Variants in LMNA observed in about 807,000 individuals in gnomAD.
The protein encoded by LMNA is lamin.
LMNA carries 20 observed loss-of-function variants against 70.4 expected under a neutral mutation model. The ratio of observed to expected loss-of-function variants is 0.28; its 90% CI spans 0.20 to 0.41. LMNA has a LOEUF of 0.41. Among genes scored for constraint, LMNA ranks in the 10% least tolerant of loss-of-function variants. LMNA has a pLI of 1.00. For synonymous variants in LMNA, 339 were observed against 372.8 expected, an observed-to-expected ratio of 0.91 and a Z score of 1.04; for missense variants, 652 against 917.2, an observed-to-expected ratio of 0.71 and a Z score of 3.73.
intron 3 of LMNA, among the ~76,000 whole-genome samples, chr1:156,097,940 C>T (rs538118640): frequency 1.2e-4 from 18 of 152,054 alleles, no homozygotes; most frequent in Non-Finnish European, 2.4e-4. Flanking sequence ...GGTGCGTGTG[C>T]GTGTGTGCGT....
In LMNA at chr1:156,115,008, G is replaced by A. The variant is rs1325971304; in HGVS notation, c.90G>A (p.Gln30=). 5.6e-6 allele frequency: 9 copies of A among 1,600,784 alleles called. No individual in the cohort carries two copies. Among genetic ancestry groups the A allele is most frequent in the South Asian group, 1.1e-5 (1 of 88,738 alleles). The part of the protein sequence containing the change: ...PLSPTRITRL[Q]EKEDLQELND... ...CGCCCACCCGCATCACCCGGCTGCA[G>A]GAGAAGGAGGACCTGCAGGAGCTCA... The change falls in exon 1 of 12, where the codon CAG becomes CAA. Residue 30 remains glutamine, a synonymous_variant. Coordinates refer to ENST00000368300, the MANE Select transcript of LMNA (RefSeq NM_170707.4). The surrounding 1 kb of genome is among the most constrained non-coding windows in gnomAD (Gnocchi z 5.8).
upstream of LMNA, among the ~76,000 whole-genome samples, chr1:156,113,349 A>G (rs968499610): frequency 3.9e-5 from 6 of 151,948 alleles, no homozygotes; most frequent in African/African-American, 1.5e-4. Context: ...ACAGAGGATG[A>G]GGTGGATGGT....
chr1:156,095,007 C>T (rs370240284), intron 3 of LMNA, among the ~76,000 whole-genome samples: 3 of 151,688 alleles, frequency 2.0e-5, no homozygotes, highest in Admixed American at 1.3e-4. Context: ...CTGCAACTTC[C>T]GCCTTGCTGG....
intron 3 of LMNA, among the ~76,000 whole-genome samples, chr1:156,097,885 G>T (rs2102796167): frequency 6.6e-6 from 1 of 152,296 alleles, no homozygotes; most frequent in Non-Finnish European, 1.5e-5. Flanking sequence ...CAACTGGATG[G>T]TAGCTCCCCC....
chr1:156,117,407 A>G (rs1025798604), intron 1 of LMNA, among the ~76,000 whole-genome samples: 4 of 141,586 alleles, frequency 2.8e-5, no homozygotes, highest in South Asian at 4.6e-4. Context: ...GCTACTTTTT[A>G]TATTTTTAGT....
In LMNA at chr1:156,115,000, C is replaced by T. The variant is rs59914820; in HGVS notation, c.82C>T (p.Arg28Trp). The T allele has an allele frequency of 6.2e-7, 1 of 1,600,254 alleles. No individual in the cohort carries two copies. Among genetic ancestry groups the T allele is most frequent in the Non-Finnish European group, 8.5e-7 (1 of 1,173,712 alleles). Residue 28 changes from arginine to tryptophan, a missense_variant, in exon 1 of 12, where the codon CGG becomes TGG. Around this residue, in one of 4 missense-constraint regions of LMNA, gnomAD observed 254 missense variants for 421.9 expected, o/e 0.60. Transcript: ENST00000368300. ...STPLSPTRIT[R>W]LQEKEDLQEL... is the part of the protein sequence containing the mutation. ...TCCGCTGTCGCCCACCCGCATCACC[C>T]GGCTGCAGGAGAAGGAGGACCTGCA...
upstream of LMNA, among the ~76,000 whole-genome samples, chr1:156,113,530 T>C (rs986425331): frequency 7.9e-5 from 12 of 152,122 alleles, no homozygotes; most frequent in African/African-American, 2.7e-4. Flanking sequence ...AGCTGCAGAA[T>C]GGACCTGGCC....
At chr1:156,119,813 T>C in intron 1 of LMNA, among the ~76,000 whole-genome samples, 1 of 148,404 alleles carries the variant, frequency 6.7e-6, no homozygotes, top group South Asian at 2.2e-4. Context: ...GGAGGAGTGG[T>C]GGTCTGAATG....
Position 156,134,371 on chromosome 1 carries a change from C to A in LMNA, c.514-32C>A. 2 of 1,613,098 alleles carry A rather than the reference C, an allele frequency of 1.2e-6. No homozygotes were observed. Among genetic ancestry groups the A allele is most frequent in the South Asian group, 1.1e-5 (1 of 90,922 alleles). On this transcript the variant is annotated intron_variant, in intron 2 of 11. Transcript: ENST00000368300. This position sits in a 1 kb window ranked among gnomAD's most constrained non-coding sequence, Gnocchi z 5.3. The stretch of plus-strand genomic sequence containing the variant: ...CTTCCAGTTCTTGTGTTCTGTGACC[C>A]CTTTTCCTCATCTCTGCCTGCTTCC...
rs752367284 is a variant in LMNA at position 156,136,303 on chromosome 1, C to A, written c.1247C>A (p.Thr416Asn). Residue 416 changes from threonine (T) to asparagine (N), a missense_variant, in exon 7 of 12, where the codon ACC becomes AAC. Physicochemically the swap from Thr to Asn is moderately conservative, Grantham distance 65 (BLOSUM62 0). Around this residue, in one of 4 missense-constraint regions of LMNA, gnomAD observed 327 missense variants for 387.6 expected, o/e 0.84. Coordinates refer to ENST00000368300, the MANE Select transcript of LMNA (RefSeq NM_170707.4). This position sits in a 1 kb window ranked among gnomAD's most constrained non-coding sequence, Gnocchi z 6.1. The stretch of plus-strand genomic sequence containing the variant: ...CAGACACAGGGTGGGGGCAGCGTCA[C>A]CAAAAAGCGCAAACTGGAGTCCACT... ...SSQTQGGGSV[T>N]KKRKLESTES... 2 of 1,612,232 alleles carry A rather than the reference C, an allele frequency of 1.2e-6. No individual in the cohort carries two copies. Among genetic ancestry groups the A allele is most frequent in the Non-Finnish European group, 1.7e-6 (2 of 1,180,036 alleles).
Position 156,127,178 on chromosome 1 carries a change from C to G in LMNA, c.357-3439C>G, listed in dbSNP as rs571557565. 2.7e-3 allele frequency among the ~76,000 whole-genome samples: 416 copies of G among 152,232 alleles called. 2 individuals carry two copies. The highest frequency in any genetic ancestry group is 9.6e-3 in the African/African-American group (397 of 41,558). ...GTCCCTGCTAGGTCTGAGGACCCCTCCTAGGAAGGAAATGGCACTTGGGGG... is the reference window on the plus strand; with the variant it reads ...GTCCCTGCTAGGTCTGAGGACCCCTGCTAGGAAGGAAATGGCACTTGGGGG... On this transcript the variant is annotated intron_variant, in intron 1 of 11. Transcript: ENST00000368300.
chr1:156,113,878 G>A (rs1459869069), upstream of LMNA, among the ~76,000 whole-genome samples: 1 of 152,192 alleles, frequency 6.6e-6, no homozygotes, highest in African/African-American at 2.4e-5. Flanking sequence ...AGGGACTGAA[G>A]GGGGAAGGAA....
intron 1 of LMNA, among the ~76,000 whole-genome samples, chr1:156,128,091 C>CT (rs1650749595): frequency 6.6e-6 from 1 of 152,122 alleles, no homozygotes; most frequent in African/African-American, 2.4e-5. Context: ...CTAGATATAG[C>CT]TTTCTGTGCC....
In LMNA at chr1:156,092,890, C is replaced by CT. The variant is rs568056544; in HGVS notation, c.-207+2324dup. ...TTTCTTTCTTTTCTTTTCTTTTTTT[C>CT]TTTTTTTTTTTTTTTTGAGACAGAG... is the stretch of plus-strand genomic sequence containing the variant. On this transcript the variant is annotated intron_variant, in intron 3 of 12. Coordinates refer to the LMNA transcript ENST00000368301. 8.0e-3 allele frequency among the ~76,000 whole-genome samples: 1,080 copies of CT among 135,592 alleles called. 5 individuals carry two copies. The highest frequency in any genetic ancestry group is 0.018 in the East Asian group (86 of 4,720). The allele number at this position is 135,592 out of a possible 152,430, so 89.0% of individuals were successfully genotyped here. A position where few individuals can be genotyped will look rare whatever the true frequency, so the allele number is the denominator to read the frequency against.
chr1:156,139,455 C>T lies in LMNA; in HGVS notation c.*349C>T. ...AAAGGGGTGCTTTTATAGAGGCTAG[C>T]TTCTGCTTTTCTGCCCTGGCTGCTG... On this transcript the variant is annotated 3_prime_UTR_variant, in exon 12 of 12. Transcript: ENST00000368300. 1 of 1,341,932 alleles carries T rather than the reference C, an allele frequency of 7.5e-7. No homozygotes were observed. The highest frequency in any genetic ancestry group is 1.7e-5 in the South Asian group (1 of 60,060). The allele number at this position is 1,341,932 out of a possible 1,614,324, so 83.1% of individuals were successfully genotyped here. A position where few individuals can be genotyped will look rare whatever the true frequency, so the allele number is the denominator to read the frequency against.
At position 156,138,549 on chromosome 1, in the gene LMNA, T is replaced by C; in HGVS notation, c.1760T>C (p.Leu587Pro). 1 of 1,612,656 alleles carries C rather than the reference T, an allele frequency of 6.2e-7. No homozygotes were observed. Among genetic ancestry groups the C allele is most frequent in the Non-Finnish European group, 8.5e-7 (1 of 1,179,798 alleles). ...AEYNLRSRTV[L>P]CGTCGQPADK... ...TACAACCTGCGCTCGCGCACCGTGC[T>C]GTGCGGGACCTGCGGGCAGCCTGCC... Residue 587 changes from leucine to proline, a missense_variant, in exon 11 of 12, where the codon CTG becomes CCG. Physicochemically the swap from Leu to Pro is moderately conservative, Grantham distance 98 (BLOSUM62 -3). Coordinates refer to ENST00000368300, the MANE Select transcript of LMNA (RefSeq NM_170707.4). This position sits in a 1 kb window ranked among gnomAD's most constrained non-coding sequence, Gnocchi z 5.5.
At position 156,134,365 on chromosome 1, in the gene LMNA, G is replaced by A. The variant is rs1173839264; in HGVS notation, c.514-38G>A. 2 of 1,612,198 alleles carry A rather than the reference G, an allele frequency of 1.2e-6. No homozygotes were observed. Among genetic ancestry groups the A allele is most frequent in the East Asian group, 2.2e-5 (1 of 44,864 alleles). ...AGCTTCCTTCCAGTTCTTGTGTTCT[G>A]TGACCCCTTTTCCTCATCTCTGCCT... On this transcript the variant is annotated intron_variant, in intron 2 of 11. Coordinates refer to ENST00000368300, the MANE Select transcript of LMNA (RefSeq NM_170707.4). The surrounding 1 kb of genome is among the most constrained non-coding windows in gnomAD (Gnocchi z 5.3).
chr1:156,089,825 G>A (rs1254805727), intron 2 of LMNA, among the ~76,000 whole-genome samples: 3 of 152,210 alleles, frequency 2.0e-5, no homozygotes, highest in Non-Finnish European at 4.4e-5. Context: ...CCCAGGGAGA[G>A]TAGCTCAGAG....
At chr1:156,106,443 GAC>G (rs1649348206) in intron 3 of LMNA, among the ~76,000 whole-genome samples, 2 of 152,026 alleles carry the variant, frequency 1.3e-5, no homozygotes, top group African/African-American at 4.8e-5. Flanking sequence ...CACACACAGA[GAC>G]ACACAGACTC....
Sources: allele counts gnomAD v4.1 joint callset (sites outside exome capture counted in the v4.1 genomes callset), GRCh38; gene constraint gnomAD v4.1.1; regional missense constraint gnomAD v4.1.1; non-coding constraint Gnocchi (gnomAD v3.1); transcripts MANE v1.5; gene names NCBI Gene and HGNC (gene_info 2026-07-23, HGNC 2026-07-21).